The following SP3 variants were observed in gnomAD, a reference collection of about 807,000 sequenced individuals.
SP3 encodes Sp3 transcription factor.
SP3 carries 10 observed loss-of-function variants against 70.3 expected under a neutral mutation model. The observed-to-expected ratio is 0.14, with a 90% confidence interval of 0.09 to 0.24. SP3 has a LOEUF of 0.24. SP3 is among the 10% of genes least tolerant of loss of function. SP3 has a pLI of 1.00. For synonymous variants in SP3, 402 were observed against 333.5 expected (o/e 1.21, Z -2.24); for missense variants, 825 against 914.6 (o/e 0.90, Z 1.26).
chr2:173,916,193 A>AT (rs943082572), intron 5 of SP3: 6 of 152,102 alleles, frequency 3.9e-5, no homozygotes, highest in Non-Finnish European at 7.4e-5. Context: ...AGGAATCTCA[A>AT]TTTTTATTGC....
In SP3 at chr2:173,906,395, T is replaced by A. The variant is rs1247959502; in HGVS notation, c.*3546A>T. ...AAAAATATCAAATTTGTACCAAAGA[T>A]ATCAATTAATTTGTTTTGTGCTTAT... is the stretch of plus-strand genomic sequence containing the variant. On this transcript the variant is annotated 3_prime_UTR_variant, in exon 7 of 7. Transcript: ENST00000310015. 2 of 152,202 alleles carry A rather than the reference T, an allele frequency of 1.3e-5. No homozygotes were observed. The highest frequency in any genetic ancestry group is 2.9e-5 in the Non-Finnish European group (2 of 68,034). 9.4% of individuals were successfully genotyped at this position (152,202 alleles called of 1,614,324 possible). A position where few individuals can be genotyped will look rare whatever the true frequency, so the allele number is the denominator to read the frequency against.
At chr2:173,914,288 G>A (rs1574397355) in intron 5 of SP3, 1 of 151,858 alleles carries the variant, frequency 6.6e-6, no homozygotes, top group Non-Finnish European at 1.5e-5. Flanking sequence ...TTTTAAAAAA[G>A]TACATTTAGC....
intron 4 of SP3, among the ~76,000 whole-genome samples, chr2:173,925,283 C>T (rs1306061274): frequency 6.6e-6 from 1 of 152,118 alleles, no homozygotes; most frequent in African/African-American, 2.4e-5. Flanking sequence ...CGCTACAACA[C>T]GGATGAACCT....
chr2:173,920,133 G>A (rs531799323), intron 4 of SP3, among the ~76,000 whole-genome samples: 29 of 152,048 alleles, frequency 1.9e-4, no homozygotes, highest in African/African-American at 6.3e-4. Flanking sequence ...GAATGGGATC[G>A]TGTATGATAT....
Position 173,913,051 on chromosome 2 carries a change from A to T in SP3, c.2029+19T>A. On this transcript the variant is annotated intron_variant, in intron 6 of 6. Transcript: ENST00000310015. ...GCCCTATAATTCATTTTTGTCTGTT[A>T]AAAGTAAGTATTAGTAACCTGTATG... is the stretch of plus-strand genomic sequence containing the variant. 6.5e-7 allele frequency: 1 copy of T among 1,528,104 alleles called. No homozygotes were observed. Among genetic ancestry groups the T allele is most frequent in the Non-Finnish European group, 8.8e-7 (1 of 1,131,088 alleles). The allele number at this position is 1,528,104 out of a possible 1,614,324, so 94.7% of individuals were successfully genotyped here.
intron 1 of SP3, chr2:173,964,834 G>A (rs527537939): frequency 6.4e-6 from 3 of 468,692 alleles, no homozygotes; most frequent in African/African-American, 4.2e-5. Context: ...CTTTCCCTTC[G>A]CGCCGCTCGC....
intron 5 of SP3, among the ~76,000 whole-genome samples, chr2:173,917,847 G>A (rs781369089): frequency 2.0e-5 from 3 of 151,836 alleles, no homozygotes; most frequent in Non-Finnish European, 4.4e-5. Context: ...CCTCAATTCC[G>A]TCTCGTGTGA....
At chr2:173,920,099 CT>C (rs552153610) in intron 4 of SP3, among the ~76,000 whole-genome samples, 60 of 152,190 alleles carry the variant, frequency 3.9e-4, no homozygotes, top group African/African-American at 1.4e-3. Context: ...CCCGCACCCC[CT>C]ATGTATTCCC....
chr2:173,963,941 T>C (rs1378924048), intron 2 of SP3, 58 bp from the exon 3 acceptor site: 30 of 1,233,372 alleles, frequency 2.4e-5, no homozygotes, highest in Non-Finnish European at 3.1e-5. Flanking sequence ...GCGGTTAGGG[T>C]CGGGCCGCCT....
At chr2:173,910,355 G>A in intron 6 of SP3, 98 bp from the exon 7 acceptor site, 3 of 936,550 alleles carry the variant, frequency 3.2e-6, no homozygotes, top group Non-Finnish European at 4.9e-6. Flanking sequence ...GCTGACAGGT[G>A]AGGATGGGAG....
At position 173,918,590 on chromosome 2, in the gene SP3, T is replaced by C; in HGVS notation, c.1832+3A>G. On this transcript the variant is annotated splice_donor_region_variant and intron_variant, in intron 5 of 6. Transcript: ENST00000310015. ...AATATATATGTGTTTCATGTATGCATACCTTCCACCACCTTCTTTACAGTT... is the reference window on the plus strand; with the variant it reads ...AATATATATGTGTTTCATGTATGCACACCTTCCACCACCTTCTTTACAGTT... 6.2e-7 allele frequency: 1 copy of C among 1,612,672 alleles called. No individual in the cohort carries two copies. Among genetic ancestry groups the C allele is most frequent in the South Asian group, 1.1e-5 (1 of 90,920 alleles).
chr2:173,964,626 G>A (rs1405961760), intron 1 of SP3, 73 bp from the exon 2 acceptor site: 35 of 614,920 alleles, frequency 5.7e-5, no homozygotes, highest in Admixed American at 5.5e-4. Flanking sequence ...CCCGCGGGCC[G>A]AAGCGAAATT....
At chr2:173,958,926 TA>T (rs1690977288) in intron 3 of SP3, among the ~76,000 whole-genome samples, 1 of 152,156 alleles carries the variant, frequency 6.6e-6, no homozygotes. Flanking sequence ...TTAAATTTTA[TA>T]AACTATTGAG....
At chr2:173,950,819 A>G (rs563867285) in intron 4 of SP3, among the ~76,000 whole-genome samples, 9 of 152,346 alleles carry the variant, frequency 5.9e-5, no homozygotes, top group Admixed American at 2.6e-4. Context: ...CCAATTAGAA[A>G]GATAGTATAC....
chr2:173,965,040 G>C, intron 1 of SP3, 125 bp downstream of exon 1: 1 of 1,295,252 alleles, frequency 7.7e-7, no homozygotes, highest in Non-Finnish European at 1.1e-6. Context: ...GCAGCTTTCT[G>C]CCTCTCACAG....
Position 173,955,537 on chromosome 2 carries a change from A to G in SP3, c.975T>C (p.Thr325=), listed in dbSNP as rs1690852935. 6.2e-7 allele frequency: 1 copy of G among 1,614,144 alleles called. No homozygotes were observed. Among genetic ancestry groups the G allele is most frequent in the Non-Finnish European group, 8.5e-7 (1 of 1,180,026 alleles). The change falls in exon 4 of 7, where the codon ACT becomes ACC. Residue 325 remains threonine (T), a synonymous_variant. Transcript: ENST00000310015. ...RVSPDINETN[T]DTDLFVPTSS... is the part of the protein sequence containing the mutation. ...ATGTTGGCACAAATAAATCTGTATCAGTATTAGTTTCATTAATATCAGGAG... is the reference window on the plus strand; with the variant it reads ...ATGTTGGCACAAATAAATCTGTATCGGTATTAGTTTCATTAATATCAGGAG...
intron 4 of SP3, among the ~76,000 whole-genome samples, chr2:173,950,700 C>CA (rs1294589793): frequency 2.0e-5 from 3 of 151,168 alleles, no homozygotes; most frequent in Non-Finnish European, 4.4e-5. Context: ...CCAAGGATGT[C>CA]AAAGTTTTCA....
intron 5 of SP3, chr2:173,916,678 G>A (rs947372443): frequency 3.9e-5 from 6 of 151,964 alleles, no homozygotes; most frequent in African/African-American, 1.2e-4. Flanking sequence ...GCAAAGGTGT[G>A]GGAAACTAGA....
intron 4 of SP3, among the ~76,000 whole-genome samples, chr2:173,926,006 C>T (rs1235591794): frequency 6.6e-6 from 1 of 152,194 alleles, no homozygotes; most frequent in Non-Finnish European, 1.5e-5. Flanking sequence ...AAATGCTCAT[C>T]TTAAAGGTAG....
Sources: allele counts gnomAD v4.1 joint callset (sites outside exome capture counted in the v4.1 genomes callset), GRCh38; gene constraint gnomAD v4.1.1; transcripts MANE v1.5; gene names NCBI Gene and HGNC (gene_info 2026-07-23, HGNC 2026-07-21).